Variants in NKTR observed in about 807,000 individuals in gnomAD.
NKTR encodes the protein NK-tumor recognition protein.
A neutral mutation model predicts 156.3 loss-of-function variants in NKTR; 67 were observed. The ratio of observed to expected loss-of-function variants is 0.43; its 90% CI spans 0.35 to 0.53. The LOEUF (loss-of-function observed/expected upper bound fraction) is 0.53. Among genes scored for constraint, NKTR ranks in the 20% least tolerant of loss-of-function variants. NKTR has a pLI of 0.01. For missense variants in NKTR, 1,604 were observed against 1,730.9 expected, an observed-to-expected ratio of 0.93 and a Z score of 1.30; for synonymous variants, 640 against 596.6, an observed-to-expected ratio of 1.07 and a Z score of -1.06.
In NKTR at chr3:42,638,878, T is replaced by A; in HGVS notation, c.3174T>A (p.Thr1058=). The A allele has an allele frequency of 6.2e-7, 1 of 1,608,312 alleles. No homozygotes were observed. The highest frequency in any genetic ancestry group is 8.5e-7 in the Non-Finnish European group (1 of 1,178,420). ...CCATAAAAGATAATATTCTAAAAACTGAGAAATCCAGTGAAGAGGACCTTT... is the reference window on the plus strand; with the variant it reads ...CCATAAAAGATAATATTCTAAAAACAGAGAAATCCAGTGAAGAGGACCTTT... ...NETIKDNILK[T]EKSSEEDLSG... is the part of the protein sequence containing the mutation. Residue 1058 remains threonine, a synonymous_variant, in exon 13 of 17, where the codon ACT becomes ACA. Coordinates refer to ENST00000232978, the MANE Select transcript of NKTR (RefSeq NM_005385.4).
In NKTR at chr3:42,600,762, G is replaced by C. The variant is rs767126923; in HGVS notation, c.-40G>C. ...TCTTCTGCTCACGGGGACCCGCTCA[G>C]GCTGGAGGCCAGCCAGGTGAAGAGC... On this transcript the variant is annotated 5_prime_UTR_variant, in exon 1 of 17. Transcript: ENST00000232978. 2.2e-4 allele frequency: 79 copies of C among 360,562 alleles called. No individual in the cohort carries two copies. The highest frequency in any genetic ancestry group is 3.3e-4 in the Non-Finnish European group (65 of 199,466). The allele number at this position is 360,562 out of a possible 1,614,324, so 22.3% of individuals were successfully genotyped here. A position where few individuals can be genotyped will look rare whatever the true frequency, so the allele number is the denominator to read the frequency against.
intron 6 of NKTR, chr3:42,627,606 A>G (rs1708507095): frequency 3.0e-6 from 3 of 985,280 alleles, no homozygotes; most frequent in Non-Finnish European, 3.6e-6. Context: ...TCTAAGATTT[A>G]TAAGGCTTAA....
At chr3:42,600,911 GCCCCGCCCTCGCCCCTGCCCTCGC>G (rs1342145994) in intron 1 of NKTR, 49 bp from the exon 2 acceptor site, 1,755 of 946,294 alleles carry the variant, frequency 1.9e-3, no homozygotes, top group Non-Finnish European at 2.3e-3. Flanking sequence ...CTTCGTCTCA[GCCCCGCCCTCGCCCCTGCCCTCGC>G]CCCCGCCCTC....
In NKTR at chr3:42,638,798, G is replaced by A. The variant is rs778558846; in HGVS notation, c.3094G>A (p.Asp1032Asn). 1 of 1,611,468 alleles carries A rather than the reference G, an allele frequency of 6.2e-7. No individual in the cohort carries two copies. Among genetic ancestry groups the A allele is most frequent in the Non-Finnish European group, 8.5e-7 (1 of 1,179,486 alleles). ...TGAAGAGGAGGAGGAGGAGATTGATGACAAGCAAGTTACTCAGGAATCAAA... is the reference window on the plus strand; with the variant it reads ...TGAAGAGGAGGAGGAGGAGATTGATAACAAGCAAGTTACTCAGGAATCAAA... Reference protein sequence around the residue: ...FGEEEEEEIDDKQVTQESKEK... With the variant: ...FGEEEEEEIDNKQVTQESKEK... Residue 1032 changes from aspartate to asparagine, a missense_variant, in exon 13 of 17, where the codon GAC (aspartate) becomes AAC (asparagine). By Grantham distance (23) the Asp-to-Asn change is conservative. This residue lies in a region of NKTR where 1,255 missense variants were observed against 1,243.7 expected (regional missense o/e 1.01). Transcript: ENST00000232978.
At chr3:42,639,776 T>TC in intron 13 of NKTR, 26 bp downstream of exon 13, 3 of 1,476,494 alleles carry the variant, frequency 2.0e-6, no homozygotes, top group Non-Finnish European at 2.8e-6. Context: ...TTTCCTTTCT[T>TC]CTCCCAAGGA....
chr3:42,620,685 C>G (rs1436079257), intron 5 of NKTR: 2 of 984,194 alleles, frequency 2.0e-6, no homozygotes, highest in Non-Finnish European at 2.4e-6. Context: ...ATTAAAATAA[C>G]TCTAAGTGAT....
At chr3:42,621,338 A>G (rs954073831) in intron 5 of NKTR, 91 bp from the exon 6 acceptor site, 2 of 1,480,526 alleles carry the variant, frequency 1.4e-6, no homozygotes, top group African/African-American at 1.4e-5. Context: ...CAGAAGAGGA[A>G]TTTCATCTTT....
intron 6 of NKTR, among the ~76,000 whole-genome samples, chr3:42,622,517 A>C (rs1006508234): frequency 3.9e-5 from 6 of 152,082 alleles, no homozygotes; most frequent in Non-Finnish European, 7.4e-5. Context: ...TCAAATGTTA[A>C]ATTTGTCTGA....
intron 15 of NKTR, 38 bp from the exon 16 acceptor site, chr3:42,643,864 G>A (rs764617565): frequency 6.9e-7 from 1 of 1,454,314 alleles, no homozygotes; most frequent in Admixed American, 1.7e-5. Context: ...GAGTATCTGA[G>A]TGGGAAAATT....
At chr3:42,635,073 AAAAAAG>A (rs1709264117) in intron 11 of NKTR, 142 bp from the exon 12 acceptor site, 5 of 488,340 alleles carry the variant, frequency 1.0e-5, no homozygotes, top group South Asian at 5.9e-5. Flanking sequence ...AAAAAAAAAA[AAAAAAG>A]AACTTTAGAC....
chr3:42,617,483 C>A, intron 2 of NKTR, 87 bp from the exon 3 acceptor site: 2 of 667,264 alleles, frequency 3.0e-6, no homozygotes, highest in Non-Finnish European at 5.3e-6. Flanking sequence ...AATAGACTTT[C>A]TAATTTGTTA....
rs1710497799 is a variant in NKTR, at chr3:42,648,672, C to T, written c.*2697C>T. 1 of 152,640 alleles carries T rather than the reference C, an allele frequency of 6.6e-6. No individual in the cohort carries two copies. Among genetic ancestry groups the T allele is most frequent in the Non-Finnish European group, 1.5e-5 (1 of 68,044 alleles). The allele number at this position is 152,640 out of a possible 1,614,324, so 9.5% of individuals were successfully genotyped here. A position where few individuals can be genotyped will look rare whatever the true frequency, so the allele number is the denominator to read the frequency against. Reference sequence around the variant, plus strand: ...AGCAATGTCTAATTTGTATACACTTCAGTTAAATTTCCCTAAAACTTGAAA... The same window carrying T: ...AGCAATGTCTAATTTGTATACACTTTAGTTAAATTTCCCTAAAACTTGAAA... On this transcript the variant is annotated 3_prime_UTR_variant, in exon 17 of 17. Coordinates refer to ENST00000232978, the MANE Select transcript of NKTR (RefSeq NM_005385.4).
intron 7 of NKTR, 92 bp from the exon 8 acceptor site, chr3:42,631,079 G>C (rs1453461270): frequency 2.6e-6 from 4 of 1,531,162 alleles, no homozygotes; most frequent in Non-Finnish European, 3.5e-6. Context: ...TTTCAGGTCT[G>C]TGGACATGTC....
intron 5 of NKTR, chr3:42,620,266 T>A (rs1707791357): frequency 1.6e-6 from 2 of 1,251,982 alleles, no homozygotes; most frequent in African/African-American, 1.5e-5. Context: ...TGGGGTTTTT[T>A]TTCCCCTAAA....
intron 6 of NKTR, among the ~76,000 whole-genome samples, chr3:42,623,411 GTATT>G (rs1318429863): frequency 6.6e-6 from 1 of 152,048 alleles, no homozygotes; most frequent in East Asian, 1.9e-4. Flanking sequence ...AAGTAATTGA[GTATT>G]TAATCCTCCT....
chr3:42,639,043 A>C lies in NKTR; in HGVS notation c.3339A>C (p.Glu1113Asp). The C allele has an allele frequency of 6.2e-7, 1 of 1,614,078 alleles. No individual in the cohort carries two copies. Among genetic ancestry groups the C allele is most frequent in the East Asian group, 2.2e-5 (1 of 44,876 alleles). Reference protein sequence around the residue: ...ACLQNIQHVEESVPNGVEDVL... With the variant: ...ACLQNIQHVEDSVPNGVEDVL... ...TACAAAACATTCAGCACGTTGAAGA[A>C]AGTGTTCCCAATGGAGTGGAAGATG... The change falls in exon 13 of 17, where the codon GAA becomes GAC. Residue 1113 changes from glutamate to aspartate, a missense_variant. This residue lies in a region of NKTR where 1,255 missense variants were observed against 1,243.7 expected (regional missense o/e 1.01). Coordinates refer to ENST00000232978, the MANE Select transcript of NKTR (RefSeq NM_005385.4).
chr3:42,615,278 C>T (rs1035741754), intron 2 of NKTR, among the ~76,000 whole-genome samples: 1 of 151,894 alleles, frequency 6.6e-6, no homozygotes, highest in Non-Finnish European at 1.5e-5. Context: ...GGGGTTTCAT[C>T]ATGTTGGCCA....
At chr3:42,618,247 A>G (rs1577471851) in intron 3 of NKTR, among the ~76,000 whole-genome samples, 1 of 150,876 alleles carries the variant, frequency 6.6e-6, no homozygotes, top group East Asian at 2.0e-4. Context: ...GCTACTCAGG[A>G]GGCTGAGGCA....
intron 9 of NKTR, chr3:42,633,204 T>A: frequency 2.2e-6 from 1 of 457,378 alleles, no homozygotes; most frequent in Non-Finnish European, 3.1e-6. Context: ...TATGCTTGGC[T>A]AATTTTTAAA....
Sources: gnomAD v4.1 joint callset for allele counts (sites outside exome capture counted in the v4.1 genomes callset) on GRCh38, gnomAD v4.1.1 for gene constraint, gnomAD v4.1.1 regional missense constraint, MANE v1.5 for transcripts, NCBI Gene and HGNC (gene_info 2026-07-23, HGNC 2026-07-21) for gene names.